The following ZNF432 variants were observed in gnomAD, a reference collection of about 807,000 sequenced individuals.
The protein encoded by ZNF432 is zinc finger protein 432.
In ZNF432, 10 loss-of-function variants were observed where a neutral mutation model predicts 13.9. That is an observed-to-expected ratio of 0.72 (90% confidence interval 0.44 to 1.22). The LOEUF (loss-of-function observed/expected upper bound fraction) is 1.22, where lower values mean the gene tolerates loss of function less well. Ranked by LOEUF, ZNF432 falls within the 50% of genes most tolerant of loss-of-function variation. The pLI, the probability that ZNF432 is intolerant of heterozygous loss-of-function variation, is 0.00. For missense variants in ZNF432, 793 were observed against 796.2 expected (o/e 1.00, Z 0.05); for synonymous variants, 247 against 256.2 (o/e 0.96, Z 0.34).
chr19:52,037,524 C>T (rs943282731), intron 4 of ZNF432, among the ~76,000 whole-genome samples: 4 of 152,188 alleles, frequency 2.6e-5, no homozygotes, highest in South Asian at 2.1e-4. Context: ...AGGCCAGGCA[C>T]GGTGGCTCAC....
chr19:52,041,333 T>C (rs1042428265), intron 3 of ZNF432, 147 bp downstream of exon 3: 16 of 982,160 alleles, frequency 1.6e-5, no homozygotes, highest in Admixed American at 3.2e-5. Flanking sequence ...CACTGAGGGG[T>C]GACGGTATAT....
Position 52,032,622 on chromosome 19 carries a change from A to AG in ZNF432, c.*1097dup, listed in dbSNP as rs1180872521. 6.6e-6 allele frequency: 1 copy of AG among 151,862 alleles called. No homozygotes were observed. The highest frequency in any genetic ancestry group is 1.5e-5 in the Non-Finnish European group (1 of 67,970). The allele number at this position is 151,862 out of a possible 1,614,324, so 9.4% of individuals were successfully genotyped here. ...GGCTAATTTTGTATTTTTAGTAGAG[A>AG]GGGGGGCTTCACCATGTTGGTCAGG... is the stretch of plus-strand genomic sequence containing the variant. On this transcript the variant is annotated 3_prime_UTR_variant, in exon 5 of 5. Coordinates refer to ENST00000221315, the MANE Select transcript of ZNF432 (RefSeq NM_014650.4).
chr19:52,046,906 CTCTG>C lies in ZNF432; in HGVS notation c.-42_-39del. The C allele has an allele frequency of 6.2e-7, 1 of 1,611,330 alleles. No individual in the cohort carries two copies. Among genetic ancestry groups the C allele is most frequent in the East Asian group, 2.2e-5 (1 of 44,810 alleles). Reference sequence around the variant, plus strand: ...TGGGAAATGGCCAGCACCTGGGATACTCTGTCTTTGTCTCCTCTGGATCTGCCTT... The same window carrying C: ...TGGGAAATGGCCAGCACCTGGGATACTCTTTGTCTCCTCTGGATCTGCCTT... On this transcript the variant is annotated 5_prime_UTR_variant, in exon 2 of 5. Transcript: ENST00000221315.
chr19:52,045,781 G>A (rs1292611580), intron 2 of ZNF432, among the ~76,000 whole-genome samples: 2 of 151,176 alleles, frequency 1.3e-5, no homozygotes, highest in Non-Finnish European at 3.0e-5. Context: ...GATCACCTGA[G>A]GTCAGGAGTT....
At chr19:52,045,164 G>T (rs2087169213) in intron 2 of ZNF432, among the ~76,000 whole-genome samples, 1 of 152,086 alleles carries the variant, frequency 6.6e-6, no homozygotes, top group Admixed American at 6.5e-5. Context: ...TGAAGCAAAA[G>T]AAGTCATAAT....
In ZNF432 at chr19:52,035,154, A is replaced by G. The variant is rs1201416676; in HGVS notation, c.525T>C (p.Ser175=). The change falls in exon 5 of 5, where the codon TCT becomes TCC. Residue 175 remains serine (S), a synonymous_variant. Coordinates refer to ENST00000221315, the MANE Select transcript of ZNF432 (RefSeq NM_014650.4). The part of the protein sequence containing the change: ...FLHGNYEELY[S]AAKFSVSTKA... The stretch of plus-strand genomic sequence containing the variant: ...TTGTACTTACAGAGAATTTAGCTGC[A>G]GAATAAAGTTCTTCATAGTTACCAT... 1.9e-6 allele frequency: 3 copies of G among 1,613,928 alleles called. No individual in the cohort carries two copies. The highest frequency in any genetic ancestry group is 3.3e-5 in the Admixed American group (2 of 59,998).
chr19:52,044,492 C>CAAAA (rs926217613), intron 2 of ZNF432, among the ~76,000 whole-genome samples: 23 of 151,240 alleles, frequency 1.5e-4, no homozygotes, highest in African/African-American at 5.3e-4. Flanking sequence ...TTGCAATAAA[C>CAAAA]AAAAGATCAA....
chr19:52,034,980 A>G lies in ZNF432; in HGVS notation c.699T>C (p.Tyr233=). ...ACACTTTTGCACACAAAGTACATCC[A>G]TAAGGTTTTTCTCCTGTATGAACTC... ...HERVHTGEKP[Y]GCTLCAKVFS... The change falls in exon 5 of 5, where the codon TAT becomes TAC. Residue 233 remains tyrosine (Y), a synonymous_variant. Transcript: ENST00000221315. The G allele has an allele frequency of 6.2e-7, 1 of 1,613,740 alleles. No homozygotes were observed. Among genetic ancestry groups the G allele is most frequent in the Non-Finnish European group, 8.5e-7 (1 of 1,179,932 alleles).
Position 52,046,958 on chromosome 19 carries a change from G to GTCGCTCTCCCTCTCCCCTC in ZNF432, c.-91_-90insGAGGGGAGAGGGAGAGCGA. ...CTTAAATTTCTATTTAGAAACTTCA[G>GTCGCTCTCCCTCTCCCCTC]TCACCAGTGAAGGGTGTCCACAGAA... On this transcript the variant is annotated 5_prime_UTR_variant, in exon 2 of 5. Transcript: ENST00000221315. 1 of 1,409,430 alleles carries GTCGCTCTCCCTCTCCCCTC rather than the reference G, an allele frequency of 7.1e-7. No individual in the cohort carries two copies. 87.3% of individuals were successfully genotyped at this position (1,409,430 alleles called of 1,614,324 possible).
At chr19:52,041,919 A>G (rs1433797933) in intron 2 of ZNF432, among the ~76,000 whole-genome samples, 1 of 152,206 alleles carries the variant, frequency 6.6e-6, no homozygotes, top group Non-Finnish European at 1.5e-5. Context: ...ATCTGATATA[A>G]ATTGTTTCAT....
At chr19:52,041,092 C>T (rs1206777731) in intron 3 of ZNF432, among the ~76,000 whole-genome samples, 1 of 152,108 alleles carries the variant, frequency 6.6e-6, no homozygotes, top group East Asian at 1.9e-4. Flanking sequence ...AAGACCGAGA[C>T]ACTGTCTCTA....
At chr19:52,036,459 A>C (rs1441771317) in intron 4 of ZNF432, among the ~76,000 whole-genome samples, 4 of 152,234 alleles carry the variant, frequency 2.6e-5, no homozygotes, top group Admixed American at 1.3e-4. Flanking sequence ...ATTACTAACT[A>C]TATGGCTTGA....
chr19:52,044,272 T>G (rs1423407106), intron 2 of ZNF432, among the ~76,000 whole-genome samples: 1 of 152,124 alleles, frequency 6.6e-6, no homozygotes, highest in Non-Finnish European at 1.5e-5. Flanking sequence ...TCTACCTAAT[T>G]TCATACTCAA....
intron 4 of ZNF432, among the ~76,000 whole-genome samples, chr19:52,038,166 A>G (rs2087102437): frequency 6.6e-6 from 1 of 152,240 alleles, no homozygotes; most frequent in Non-Finnish European, 1.5e-5. Flanking sequence ...TACCATGAAT[A>G]TTACCATGTT....
At chr19:52,039,961 T>G (rs2087119030) in intron 4 of ZNF432, among the ~76,000 whole-genome samples, 1 of 151,984 alleles carries the variant, frequency 6.6e-6, no homozygotes, top group African/African-American at 2.4e-5. Flanking sequence ...ATGGTGATGG[T>G]TACATAACTG....
At chr19:52,045,848 A>C (rs2087176269) in intron 2 of ZNF432, among the ~76,000 whole-genome samples, 1 of 151,328 alleles carries the variant, frequency 6.6e-6, no homozygotes, top group South Asian at 2.1e-4. Flanking sequence ...TACAAAAACT[A>C]GCCAGGCATG....
intron 3 of ZNF432, among the ~76,000 whole-genome samples, chr19:52,041,013 AG>A (rs2087131167): frequency 6.6e-6 from 1 of 152,050 alleles, no homozygotes; most frequent in African/African-American, 2.4e-5. Flanking sequence ...CTGAGGCAGG[AG>A]GAACACTTGA....
rs1286593359 is a variant in ZNF432, at chr19:52,032,865, G to A, written c.*855C>T. 2 of 152,132 alleles carry A rather than the reference G, an allele frequency of 1.3e-5. No individual in the cohort carries two copies. Among genetic ancestry groups the A allele is most frequent in the Non-Finnish European group, 2.9e-5 (2 of 68,034 alleles). The allele number at this position is 152,132 out of a possible 1,614,324, so 9.4% of individuals were successfully genotyped here. A position where few individuals can be genotyped will look rare whatever the true frequency, so the allele number is the denominator to read the frequency against. On this transcript the variant is annotated 3_prime_UTR_variant, in exon 5 of 5. Transcript: ENST00000221315. ...GGCAGCATGTATCACTGAAATCCTC[G>A]TGTATTCACTGCCATCTGAAACTTG...
chr19:52,045,510 C>T (rs1247908952), intron 2 of ZNF432, among the ~76,000 whole-genome samples: 1 of 151,434 alleles, frequency 6.6e-6, no homozygotes, highest in African/African-American at 2.4e-5. Flanking sequence ...GCATGCGCCA[C>T]CACACCCAGT....
Sources: allele counts gnomAD v4.1 joint callset (sites outside exome capture counted in the v4.1 genomes callset), GRCh38; gene constraint gnomAD v4.1.1; transcripts MANE v1.5; gene names NCBI Gene and HGNC (gene_info 2026-07-23, HGNC 2026-07-21).